Variants in ARFGEF3 observed in about 807,000 individuals in gnomAD.
The protein encoded by ARFGEF3 is ARFGEF family member 3, also known as brefeldin A-inhibited guanine nucleotide-exchange protein 3.
ARFGEF3 carries 96 observed loss-of-function variants against 221.7 expected under a neutral mutation model. The observed-to-expected ratio is 0.43, with a 90% confidence interval of 0.37 to 0.51. The LOEUF (loss-of-function observed/expected upper bound fraction) is 0.51, where lower values mean the gene tolerates loss of function less well. Among genes scored for constraint, ARFGEF3 ranks in the 20% least tolerant of loss-of-function variants. ARFGEF3 has a pLI of 0.00. For synonymous variants in ARFGEF3, 1,145 were observed against 1,126.8 expected (o/e 1.02, Z -0.32); for missense variants, 2,410 against 2,789.9 (o/e 0.86, Z 3.07).
intron 4 of ARFGEF3, among the ~76,000 whole-genome samples, chr6:138,227,212 T>C (rs959120819): frequency 3.3e-5 from 5 of 152,106 alleles, no homozygotes; most frequent in Non-Finnish European, 5.9e-5. Context: ...GGTCTCCCTC[T>C]ACATATGCTG....
intron 8 of ARFGEF3, among the ~76,000 whole-genome samples, chr6:138,253,275 A>G (rs1778611389): frequency 6.6e-6 from 1 of 151,904 alleles, no homozygotes; most frequent in African/African-American, 2.4e-5. Flanking sequence ...CAGTTTTTCT[A>G]TAAATCTCCA....
chr6:138,317,761 T>C (rs993447418), intron 27 of ARFGEF3, among the ~76,000 whole-genome samples: 3 of 152,192 alleles, frequency 2.0e-5, no homozygotes, highest in Non-Finnish European at 4.4e-5. Flanking sequence ...CCTTGGGCTG[T>C]TGGTTGGGCT....
chr6:138,194,989 A>ATTTTTTTTTTTTTTTTTTTTTTT (rs747099029), intron 2 of ARFGEF3, among the ~76,000 whole-genome samples: 9 of 84,116 alleles, frequency 1.1e-4, no homozygotes, highest in African/African-American at 2.3e-4. Flanking sequence ...CTTTTCCCTA[A>ATTTTTTTTTTTTTTTTTTTTTTT]TTTTTTTTTT....
intron 11 of ARFGEF3, 89 bp from the exon 12 acceptor site, chr6:138,262,612 T>C: frequency 4.6e-6 from 6 of 1,310,006 alleles, no homozygotes; most frequent in Non-Finnish European, 6.3e-6. Context: ...AATACTTTGC[T>C]GTTTGCCAGG....
intron 21 of ARFGEF3, 87 bp downstream of exon 21, chr6:138,297,042 G>T: frequency 6.9e-7 from 1 of 1,443,444 alleles, no homozygotes; most frequent in Non-Finnish European, 9.3e-7. Context: ...CATGTATGGG[G>T]GCAAAGCACT....
In ARFGEF3 at chr6:138,334,773, C is replaced by T; in HGVS notation, c.5927C>T (p.Ser1976Phe). ...RSQSREHMGE[S>F]LSLKAGGGDL... ...CAGTCCCGGGAGCACATGGGCGAGTCCCTGAGCCTGAAGGCCGGTGGTGGG... is the reference window on the plus strand; with the variant it reads ...CAGTCCCGGGAGCACATGGGCGAGTTCCTGAGCCTGAAGGCCGGTGGTGGG... The change falls in exon 33 of 34, where the codon TCC (serine) becomes TTC (phenylalanine). Residue 1976 changes from serine (S) to phenylalanine (F), a missense_variant. Physicochemically the swap from Ser to Phe is radical, Grantham distance 155 (BLOSUM62 -2). Transcript: ENST00000251691. This position sits in a 1 kb window ranked among gnomAD's most constrained non-coding sequence, Gnocchi z 5.1. 6 of 1,610,232 alleles carry T rather than the reference C, an allele frequency of 3.7e-6. No individual in the cohort carries two copies. Among genetic ancestry groups the T allele is most frequent in the Non-Finnish European group, 5.1e-6 (6 of 1,178,228 alleles).
chr6:138,229,940 C>A, intron 5 of ARFGEF3, 88 bp downstream of exon 5: 1 of 1,064,530 alleles, frequency 9.4e-7, no homozygotes, highest in Non-Finnish European at 1.4e-6. Flanking sequence ...AGCCCCAGCA[C>A]TGGAGTGAAT....
At chr6:138,303,132 A>C (rs1779655646) in intron 22 of ARFGEF3, among the ~76,000 whole-genome samples, 1 of 152,210 alleles carries the variant, frequency 6.6e-6, no homozygotes, top group African/African-American at 2.4e-5. Flanking sequence ...TATAGAAGCA[A>C]AGTTGCTGTA....
intron 10 of ARFGEF3, among the ~76,000 whole-genome samples, chr6:138,258,111 C>T (rs544041708): frequency 9.2e-5 from 14 of 152,238 alleles, no homozygotes; most frequent in Middle Eastern, 6.8e-3. Flanking sequence ...ATTGACTCTC[C>T]CATCAAGGCC....
intron 2 of ARFGEF3, among the ~76,000 whole-genome samples, chr6:138,203,811 T>G (rs1777579734): frequency 6.6e-6 from 1 of 152,126 alleles, no homozygotes; most frequent in South Asian, 2.1e-4. Flanking sequence ...CAGCTGATTT[T>G]TTTGCATTTT....
intron 12 of ARFGEF3, among the ~76,000 whole-genome samples, chr6:138,267,972 T>G (rs763446506): frequency 1.1e-4 from 16 of 152,172 alleles, no homozygotes; most frequent in Non-Finnish European, 2.1e-4. Flanking sequence ...TATTCAGGAG[T>G]TGGACTCTCT....
intron 12 of ARFGEF3, among the ~76,000 whole-genome samples, chr6:138,270,459 CACACATAT>C (rs1263368195): frequency 7.6e-5 from 10 of 131,630 alleles, no homozygotes; most frequent in African/African-American, 4.0e-4. Flanking sequence ...CACACACACA[CACACATAT>C]ATATATCTGG....
chr6:138,286,849 G>A lies in ARFGEF3; in HGVS notation c.2718G>A (p.Lys906=), dbSNP rs1197957924. The change falls in exon 16 of 34, where the codon AAG becomes AAA. Residue 906 remains lysine, a synonymous_variant. Transcript: ENST00000251691. ...GAEGIKEQNQ[K]ERDAICMSLD... The stretch of plus-strand genomic sequence containing the variant: ...AAGGCATCAAAGAGCAGAACCAGAA[G>A]GAGCGGGACGCCATCTGCATGAGCC... 6.2e-7 allele frequency: 1 copy of A among 1,613,994 alleles called. No individual in the cohort carries two copies. The highest frequency in any genetic ancestry group is 8.5e-7 in the Non-Finnish European group (1 of 1,179,916).
At chr6:138,276,263 G>A (rs761104740) in intron 12 of ARFGEF3, among the ~76,000 whole-genome samples, 28 of 152,182 alleles carry the variant, frequency 1.8e-4, no homozygotes, top group South Asian at 4.1e-4. Flanking sequence ...CTGAAGGCCT[G>A]GAAATGCCTG....
chr6:138,270,844 G>A (rs994258579), intron 12 of ARFGEF3, among the ~76,000 whole-genome samples: 1 of 152,148 alleles, frequency 6.6e-6, no homozygotes, highest in Non-Finnish European at 1.5e-5. Flanking sequence ...AATGATGGAT[G>A]GCATGGCTGT....
At chr6:138,335,621 G>T (rs1447849693) in intron 33 of ARFGEF3, among the ~76,000 whole-genome samples, 1 of 152,018 alleles carries the variant, frequency 6.6e-6, no homozygotes, top group Non-Finnish European at 1.5e-5. Context: ...GAGCAAGGAG[G>T]ATTGTGTGAT....
At chr6:138,166,946 A>G (rs886189828) in intron 1 of ARFGEF3, among the ~76,000 whole-genome samples, 1 of 152,138 alleles carries the variant, frequency 6.6e-6, no homozygotes, top group Admixed American at 6.5e-5. Flanking sequence ...TAGAAATTGT[A>G]TCTGTGTTCT....
At chr6:138,223,965 A>G (rs936714257) in intron 4 of ARFGEF3, among the ~76,000 whole-genome samples, 4 of 152,244 alleles carry the variant, frequency 2.6e-5, no homozygotes, top group African/African-American at 7.2e-5. Flanking sequence ...GTGTCCAACA[A>G]CTACGCTGGA....
chr6:138,285,177 T>A (rs1237961837), intron 14 of ARFGEF3, among the ~76,000 whole-genome samples: 3 of 152,184 alleles, frequency 2.0e-5, no homozygotes, highest in African/African-American at 7.2e-5. Context: ...TTATAAGGTA[T>A]TATTGGCAGG....
Sources: gnomAD v4.1 joint callset for allele counts (sites outside exome capture counted in the v4.1 genomes callset) on GRCh38, gnomAD v4.1.1 for gene constraint, Gnocchi (gnomAD v3.1) non-coding constraint, MANE v1.5 for transcripts, NCBI Gene and HGNC (gene_info 2026-07-23, HGNC 2026-07-21) for gene names.